Variants in ST3GAL4 observed in about 807,000 individuals in gnomAD.
ST3GAL4 encodes ST3 beta-galactoside alpha-2,3-sialyltransferase 4.
In ST3GAL4, 24 loss-of-function variants were observed where a neutral mutation model predicts 42.6. The observed-to-expected ratio is 0.56, with a 90% CI of 0.41 to 0.79. The LOEUF is 0.79. Among genes scored for constraint, ST3GAL4 ranks in the 30% least tolerant of loss-of-function variants. The probability of loss-of-function intolerance (pLI) is 0.00; values close to 1 mark genes in which losing one functional copy is unlikely to be tolerated. For missense variants in ST3GAL4, 311 were observed against 430.8 expected, an observed-to-expected ratio of 0.72 and a Z score of 2.46; for synonymous variants, 135 against 163.2, an observed-to-expected ratio of 0.83 and a Z score of 1.32.
chr11:126,365,929 C>T (rs1952408668), intron 1 of ST3GAL4, among the ~76,000 whole-genome samples: 1 of 152,150 alleles, frequency 6.6e-6, no homozygotes, highest in Non-Finnish European at 1.5e-5. Context: ...CACAGGCTGC[C>T]CTGGGACACT....
chr11:126,394,645 G>C (rs1953660336), intron 1 of ST3GAL4, among the ~76,000 whole-genome samples: 1 of 152,048 alleles, frequency 6.6e-6, no homozygotes, highest in Non-Finnish European at 1.5e-5. Flanking sequence ...GGCTGTTCTT[G>C]AACTCCTGAG....
At position 126,406,591 on chromosome 11, in the gene ST3GAL4, T is replaced by C; in HGVS notation, c.101+34T>C. ...ACCTTCCATGTCCTTCCAGTGGCTC[T>C]TGTCAGGGACAGGGCTTAGGGATGG... On this transcript the variant is annotated intron_variant, in intron 3 of 10. Transcript: ENST00000444328. The surrounding 1 kb of genome is among the most constrained non-coding windows in gnomAD (Gnocchi z 5.4). The C allele has an allele frequency of 6.2e-7, 1 of 1,613,964 alleles. No individual in the cohort carries two copies. Among genetic ancestry groups the C allele is most frequent in the African/African-American group, 1.3e-5 (1 of 75,038 alleles).
In ST3GAL4 at chr11:126,396,126, G is replaced by A; in HGVS notation, c.-60-9970G>A. 6.6e-6 allele frequency among the ~76,000 whole-genome samples: 1 copy of A among 151,950 alleles called. No homozygotes were observed. The highest frequency in any genetic ancestry group is 1.5e-5 in the Non-Finnish European group (1 of 68,002). On this transcript the variant is annotated intron_variant, in intron 1 of 10. Transcript: ENST00000444328. This position sits in a 1 kb window ranked among gnomAD's most constrained non-coding sequence, Gnocchi z 5.8. ...GGGAGAACTCCCCAGCCCGTAGCCTGCGCTCACTGTACCTGGCAGTTGTAT... is the reference window on the plus strand; with the variant it reads ...GGGAGAACTCCCCAGCCCGTAGCCTACGCTCACTGTACCTGGCAGTTGTAT...
chr11:126,361,909 T>C (rs1952256483), intron 1 of ST3GAL4, among the ~76,000 whole-genome samples: 1 of 149,668 alleles, frequency 6.7e-6, no homozygotes, highest in Admixed American at 6.7e-5. Flanking sequence ...TGAGATGGAG[T>C]CTGGCTCTAT....
rs1488128611 is a variant in ST3GAL4, at chr11:126,413,649, G to A, written c.915+1G>A. ...GCAGATCACGCTCAAGTCCATGGCGGTAAGTGCCTGGCTTGTGAGCATGGT... is the reference window on the plus strand; with the variant it reads ...GCAGATCACGCTCAAGTCCATGGCGATAAGTGCCTGGCTTGTGAGCATGGT... On this transcript the variant is annotated splice_donor_variant, in intron 10 of 10. Transcript: ENST00000444328. LOFTEE classifies it high-confidence loss of function. The A allele has an allele frequency of 6.2e-7, 1 of 1,614,074 alleles. No individual in the cohort carries two copies. The highest frequency in any genetic ancestry group is 8.5e-7 in the Non-Finnish European group (1 of 1,179,922).
chr11:126,358,327 T>C, intron 1 of ST3GAL4: 1 of 288,874 alleles, frequency 3.5e-6, no homozygotes, highest in Non-Finnish European at 7.3e-6. Context: ...GACCTGAAGC[T>C]TTTGGTTGCC....
rs112090215 is a variant in ST3GAL4, at chr11:126,410,093, A to G, written c.771+682A>G. On this transcript the variant is annotated intron_variant, in intron 9 of 10. Coordinates refer to ENST00000444328, the MANE Select transcript of ST3GAL4 (RefSeq NM_001254757.2). The surrounding 1 kb of genome is among the most constrained non-coding windows in gnomAD (Gnocchi z 5.3). ...CTAATTTTTAAATTTTTTTGTAGAG[A>G]TGGGGGTCTCACTGTGTTGCCCAGG... Among the ~76,000 whole-genome samples, 96 of 152,078 alleles carry G rather than the reference A, an allele frequency of 6.3e-4. 1 individual carries two copies. Among genetic ancestry groups the G allele is most frequent in the Admixed American group, 2.0e-3 (30 of 15,270 alleles).
At position 126,397,598 on chromosome 11, in the gene ST3GAL4, G is replaced by C. The variant is rs1384994782; in HGVS notation, c.-60-8498G>C. The stretch of plus-strand genomic sequence containing the variant: ...ATGGTCCCAGCGAGCGGGATGTGGA[G>C]GGTTAGGATGTTATCTTAGTCTGTT... On this transcript the variant is annotated intron_variant, in intron 1 of 10. Transcript: ENST00000444328. The surrounding 1 kb of genome is among the most constrained non-coding windows in gnomAD (Gnocchi z 5.0). Among the ~76,000 whole-genome samples the C allele has an allele frequency of 2.0e-5, 3 of 152,200 alleles. No individual in the cohort carries two copies. The highest frequency in any genetic ancestry group is 6.5e-5 in the Admixed American group (1 of 15,280).
chr11:126,402,607 G>C (rs1382207937), intron 1 of ST3GAL4, among the ~76,000 whole-genome samples: 1 of 152,132 alleles, frequency 6.6e-6, no homozygotes. Context: ...CGCTTTTATG[G>C]GTCCAGGGGC....
Position 126,406,764 on chromosome 11 carries a change from G to A in ST3GAL4, c.102-179G>A, listed in dbSNP as rs1173319136. Reference sequence around the variant, plus strand: ...GTCTCACTGGGCCCTCACCCAGGGAGTGCAGGGGCAGGAAGACCTGGATCC... The same window carrying A: ...GTCTCACTGGGCCCTCACCCAGGGAATGCAGGGGCAGGAAGACCTGGATCC... On this transcript the variant is annotated intron_variant, in intron 3 of 10. Coordinates refer to ENST00000444328, the MANE Select transcript of ST3GAL4 (RefSeq NM_001254757.2). The surrounding 1 kb of genome is among the most constrained non-coding windows in gnomAD (Gnocchi z 5.4). 2.1e-6 allele frequency: 2 copies of A among 932,072 alleles called. No individual in the cohort carries two copies. The highest frequency in any genetic ancestry group is 2.5e-5 in the Admixed American group (1 of 39,306). 57.7% of individuals were successfully genotyped at this position (932,072 alleles called of 1,614,324 possible).
intron 1 of ST3GAL4, among the ~76,000 whole-genome samples, chr11:126,369,377 A>T (rs2135401400): frequency 6.6e-6 from 1 of 152,072 alleles, no homozygotes; most frequent in South Asian, 2.1e-4. Flanking sequence ...CCTCCCGAGT[A>T]GCTGGGATTA....
At chr11:126,370,985 A>G (rs1460515908) in intron 1 of ST3GAL4, among the ~76,000 whole-genome samples, 1 of 151,090 alleles carries the variant, frequency 6.6e-6, no homozygotes, top group African/African-American at 2.4e-5. Context: ...TTTTTTTTAT[A>G]TGAAAATATT....
chr11:126,408,757 C>A (rs1430085705), intron 8 of ST3GAL4: 3 of 531,982 alleles, frequency 5.6e-6, no homozygotes, highest in Non-Finnish European at 1.0e-5. Flanking sequence ...GTGTCTGTGA[C>A]AGGAAAGCTT....
At chr11:126,362,193 C>CT (rs763280766) in intron 1 of ST3GAL4, among the ~76,000 whole-genome samples, 1,733 of 119,074 alleles carry the variant, frequency 0.015, 26 homozygotes, top group South Asian at 0.042. Flanking sequence ...ACATTTCTTC[C>CT]TTTTTTTTTT....
chr11:126,399,860 A>C (rs1953930789), intron 1 of ST3GAL4, among the ~76,000 whole-genome samples: 2 of 152,126 alleles, frequency 1.3e-5, no homozygotes, highest in Admixed American at 6.5e-5. Context: ...TAATCTTCAG[A>C]TATATCTGAG....
intron 1 of ST3GAL4, among the ~76,000 whole-genome samples, chr11:126,402,683 C>T (rs370986631): frequency 9.2e-5 from 14 of 152,122 alleles, no homozygotes; most frequent in Admixed American, 2.6e-4. Context: ...CTTGGTTGGG[C>T]GGGTACCTGC....
Position 126,392,419 on chromosome 11 carries a change from G to C in ST3GAL4, c.-60-13677G>C. On this transcript the variant is annotated intron_variant, in intron 1 of 10. Transcript: ENST00000444328. The surrounding 1 kb of genome is among the most constrained non-coding windows in gnomAD (Gnocchi z 5.8). ...TCTGCAGAAGCCACTTCATTTGCCT[G>C]GGGATAAAGCAGGTCCTTGTGAGCT... 2.1e-6 allele frequency: 2 copies of C among 974,356 alleles called. No homozygotes were observed. Among genetic ancestry groups the C allele is most frequent in the African/African-American group, 3.5e-5 (2 of 57,136 alleles). The allele number at this position is 974,356 out of a possible 1,614,324, so 60.4% of individuals were successfully genotyped here.
rs1953148665 is a variant in ST3GAL4 at position 126,384,688 on chromosome 11, C to T, written c.-60-21408C>T. 11 of 985,226 alleles carry T rather than the reference C, an allele frequency of 1.1e-5. No homozygotes were observed. The South Asian group carries it at 4.7e-4, about 42-fold the overall frequency. 61.0% of individuals were successfully genotyped at this position (985,226 alleles called of 1,614,324 possible). A position where few individuals can be genotyped will look rare whatever the true frequency, so the allele number is the denominator to read the frequency against. On this transcript the variant is annotated intron_variant, in intron 1 of 10. Transcript: ENST00000444328. This position sits in a 1 kb window ranked among gnomAD's most constrained non-coding sequence, Gnocchi z 5.5. ...TGGAGAGCCACCTCCCTAGGGGCCTCCTCCCCCTCCCCTTCTGCATGCCAC... is the reference window on the plus strand; with the variant it reads ...TGGAGAGCCACCTCCCTAGGGGCCTTCTCCCCCTCCCCTTCTGCATGCCAC...
chr11:126,385,200 A>G (rs1953178744), intron 1 of ST3GAL4, among the ~76,000 whole-genome samples: 1 of 150,696 alleles, frequency 6.6e-6, no homozygotes, highest in African/African-American at 2.4e-5. Flanking sequence ...TCTGTTGCCC[A>G]GGCTGGAGTG....
Sources: allele counts gnomAD v4.1 joint callset (sites outside exome capture counted in the v4.1 genomes callset), GRCh38; gene constraint gnomAD v4.1.1; non-coding constraint Gnocchi (gnomAD v3.1); transcripts MANE v1.5; gene names NCBI Gene and HGNC (gene_info 2026-07-23, HGNC 2026-07-21).